The following SZT2 variants were observed in gnomAD, a reference collection of about 807,000 sequenced individuals.
The protein encoded by SZT2 is KICSTOR complex protein SZT2.
Under a neutral mutation model 404.2 loss-of-function variants are expected in SZT2, and 216 were observed. The ratio of observed to expected loss-of-function variants is 0.53; its 90% CI spans 0.48 to 0.60. The LOEUF (loss-of-function observed/expected upper bound fraction) is 0.60. Ranked by LOEUF, SZT2 falls within the 20% of genes least tolerant of loss-of-function variation. The pLI, the probability that SZT2 is intolerant of heterozygous loss-of-function variation, is 0.00. For missense variants in SZT2, 3,857 were observed against 4,459.2 expected (o/e 0.86, Z 3.85); for synonymous variants, 1,693 against 1,749.9 (o/e 0.97, Z 0.81).
At position 43,453,584 on chromosome 1, in the gene SZT2, C is replaced by A; in HGVS notation, c.*3104C>A. 1 of 1,520,984 alleles carries A rather than the reference C, an allele frequency of 6.6e-7. No individual in the cohort carries two copies. The highest frequency in any genetic ancestry group is 1.3e-5 in the South Asian group (1 of 79,932). 94.2% of individuals were successfully genotyped at this position (1,520,984 alleles called of 1,614,324 possible). ...CCCCAGCCCTCCCAGCCCTCCCGGC[C>A]CGCGACGCACCCGGGGGCGTGTTGA... On this transcript the variant is annotated 3_prime_UTR_variant, in exon 72 of 72. Transcript: ENST00000634258.
intron 4 of SZT2, chr1:43,412,132 A>G (rs1323553916): frequency 6.6e-6 from 1 of 152,186 alleles, no homozygotes; most frequent in East Asian, 1.9e-4. Flanking sequence ...CAGCCCCCAA[A>G]CAACCCTTAA....
In SZT2 at chr1:43,440,063, A is replaced by G. The variant is rs761116630; in HGVS notation, c.7210+15A>G. The G allele has an allele frequency of 6.2e-7, 1 of 1,613,694 alleles. No homozygotes were observed. Among genetic ancestry groups the G allele is most frequent in the Admixed American group, 1.7e-5 (1 of 59,996 alleles). On this transcript the variant is annotated intron_variant, in intron 51 of 71. Transcript: ENST00000634258. ...CACACCCACAGGTATGCAAGTCAAG[A>G]GGTCCCTGGGGTCCAGAGAATGTCA...
intron 26 of SZT2, 68 bp downstream of exon 26, chr1:43,427,802 A>T (rs1039775407): frequency 1.3e-6 from 2 of 1,550,228 alleles, no homozygotes; most frequent in Non-Finnish European, 8.8e-7. Flanking sequence ...ATAAGTACAC[A>T]CTAATAGGCG....
chr1:43,431,220 T>G, intron 33 of SZT2, 45 bp from the exon 34 acceptor site: 1 of 1,564,636 alleles, frequency 6.4e-7, no homozygotes, highest in Non-Finnish European at 8.7e-7. Flanking sequence ...GAGGCCCTGG[T>G]AGGATAGTAA....
chr1:43,408,081 C>T (rs561422088), intron 4 of SZT2, among the ~76,000 whole-genome samples: 1 of 152,236 alleles, frequency 6.6e-6, no homozygotes, highest in South Asian at 2.1e-4. Context: ...ATCTGCCCGC[C>T]TCGGCCTCCC....
Position 43,441,650 on chromosome 1 carries a change from A to G in SZT2, c.7610-36A>G, listed in dbSNP as rs200954464. 4,824 of 1,613,974 alleles carry G rather than the reference A, an allele frequency of 3.0e-3. 9 individuals carry two copies. Among genetic ancestry groups the G allele is most frequent in the Non-Finnish European group, 3.9e-3 (4,563 of 1,179,932 alleles). ...ATCCCTCAACCCCAGCCTGGTCTCC[A>G]TCCTGCAGCTCCACAGTGACTCCTC... On this transcript the variant is annotated intron_variant, in intron 54 of 71. Coordinates refer to ENST00000634258, the MANE Select transcript of SZT2 (RefSeq NM_001365999.1). The surrounding 1 kb of genome is among the most constrained non-coding windows in gnomAD (Gnocchi z 4.8).
At chr1:43,438,007 T>C (rs190851628) in intron 46 of SZT2, 105 bp downstream of exon 46, 456 of 1,202,494 alleles carry the variant, frequency 3.8e-4, no homozygotes, top group Non-Finnish European at 4.8e-4. Flanking sequence ...TATGTAACAG[T>C]CTCAGCCCAA....
chr1:43,414,945 G>T, intron 4 of SZT2, 137 bp from the exon 5 acceptor site: 1 of 1,072,390 alleles, frequency 9.3e-7, no homozygotes. Context: ...AATTGGCTGT[G>T]GAGTCATACC....
In SZT2 at chr1:43,423,267, C is replaced by T. The variant is rs890611597; in HGVS notation, c.2206C>T (p.Arg736Trp). ...VLGPQQALSD[R>W]PCLVVLHKPL... ...GGGGCCACAGCAGGCCCTGTCTGAC[C>T]GGCCCTGCCTTGTGGTCCTGCATAA... The change falls in exon 15 of 72, where the codon CGG becomes TGG. Residue 736 changes from arginine to tryptophan, a missense_variant. Coordinates refer to ENST00000634258, the MANE Select transcript of SZT2 (RefSeq NM_001365999.1). 9.5e-6 allele frequency: 15 copies of T among 1,573,734 alleles called. No homozygotes were observed. Among genetic ancestry groups the T allele is most frequent in the Middle Eastern group, 1.7e-4 (1 of 5,922 alleles).
At chr1:43,436,290 G>C (rs1654451972) in intron 42 of SZT2, 1 of 152,134 alleles carries the variant, frequency 6.6e-6, no homozygotes, top group South Asian at 2.1e-4. Flanking sequence ...CACATCCTGG[G>C]ATCTCCTCCA....
rs1159608837 is a variant in SZT2 at position 43,427,613 on chromosome 1, G to C, written c.3682G>C (p.Glu1228Gln). 6.2e-7 allele frequency: 1 copy of C among 1,614,114 alleles called. No homozygotes were observed. The highest frequency in any genetic ancestry group is 1.3e-5 in the African/African-American group (1 of 74,948). The change falls in exon 26 of 72, where the codon GAG becomes CAG. Residue 1228 changes from glutamate to glutamine, a missense_variant. Around this residue, in one of 7 missense-constraint regions of SZT2, gnomAD observed 1,725 missense variants for 1,881.0 expected, o/e 0.92. Transcript: ENST00000634258. ...CGCTGGGCGTCAGGCTTCCCAGACA[G>C]AGAGTGCGGATGGGCCCCGGACCCG... ...AYAGRQASQT[E>Q]SADGPRTRCP...
chr1:43,432,493 C>A, intron 37 of SZT2, 24 bp from the exon 38 acceptor site: 2 of 1,586,420 alleles, frequency 1.3e-6, no homozygotes, highest in Non-Finnish European at 8.6e-7. Context: ...GCCTATACCT[C>A]AGTCCTGACT....
chr1:43,404,280 C>T, intron 3 of SZT2, 100 bp from the exon 4 acceptor site: 1 of 1,009,792 alleles, frequency 9.9e-7, no homozygotes, highest in Admixed American at 2.3e-5. Flanking sequence ...TGCGATCATC[C>T]ATAAGTTAAG....
chr1:43,452,196 CT>C lies in SZT2; in HGVS notation c.*1719del, dbSNP rs776828656. 13 of 1,607,316 alleles carry C rather than the reference CT, an allele frequency of 8.1e-6. No homozygotes were observed. In the African/African-American group the frequency reaches 1.7e-4, roughly 22 times the overall value. ...CATGTAAGTACGTGTGTGTTTCCAC[CT>C]TTCTCACCTGAGCCAAAACCCCAGC... On this transcript the variant is annotated 3_prime_UTR_variant, in exon 72 of 72. Coordinates refer to ENST00000634258, the MANE Select transcript of SZT2 (RefSeq NM_001365999.1).
In SZT2 at chr1:43,442,167, G is replaced by A. The variant is rs769268985; in HGVS notation, c.7873+37G>A. ...GCCCGGGGGGGCGGGGGGCGGGTAG[G>A]CTAAGAGTAACTGGTGGGGTCTCCA... On this transcript the variant is annotated intron_variant, in intron 56 of 71. Transcript: ENST00000634258. This position sits in a 1 kb window ranked among gnomAD's most constrained non-coding sequence, Gnocchi z 4.5. 1.2e-6 allele frequency: 2 copies of A among 1,604,846 alleles called. No homozygotes were observed. The highest frequency in any genetic ancestry group is 8.5e-7 in the Non-Finnish European group (1 of 1,174,904).
chr1:43,426,512 T>C lies in SZT2; in HGVS notation c.3188T>C (p.Val1063Ala). ...PVDQAAFLSE[V>A]LRRTCHVPGA... is the part of the protein sequence containing the mutation. ...GACCAGGCTGCCTTCTTGAGTGAGGTGCTGCGGCGGACCTGCCACGTTCCA... is the reference window on the plus strand; with the variant it reads ...GACCAGGCTGCCTTCTTGAGTGAGGCGCTGCGGCGGACCTGCCACGTTCCA... Residue 1063 changes from valine to alanine, a missense_variant, in exon 22 of 72, where the codon GTG becomes GCG. By Grantham distance (64) the Val-to-Ala change is moderately conservative. Transcript: ENST00000634258. This position sits in a 1 kb window ranked among gnomAD's most constrained non-coding sequence, Gnocchi z 4.9. The C allele has an allele frequency of 6.3e-7, 1 of 1,591,556 alleles. No individual in the cohort carries two copies. The highest frequency in any genetic ancestry group is 1.1e-5 in the South Asian group (1 of 89,612).
At chr1:43,390,531 C>T (rs1428497876) in intron 1 of SZT2, among the ~76,000 whole-genome samples, 1 of 152,214 alleles carries the variant, frequency 6.6e-6, no homozygotes, top group Non-Finnish European at 1.5e-5. Context: ...TTCCCGGATC[C>T]TGTTTCCTTC....
Position 43,448,410 on chromosome 1 carries a change from C to T in SZT2, c.9895C>T (p.Leu3299=). 6.3e-7 allele frequency: 1 copy of T among 1,587,186 alleles called. No individual in the cohort carries two copies. The highest frequency in any genetic ancestry group is 8.6e-7 in the Non-Finnish European group (1 of 1,166,892). ...TGATCGACTGCGGCTAGGGGGGCGC[C>T]TGGCCCTGGCAGAGCTGGAGGAACT... ...GPDRLRLGGR[L]ALAELEELLE... The change falls in exon 69 of 72, where the codon CTG becomes TTG. Residue 3299 remains leucine (L), a synonymous_variant. Transcript: ENST00000634258. This position sits in a 1 kb window ranked among gnomAD's most constrained non-coding sequence, Gnocchi z 4.2.
At chr1:43,397,993 C>G (rs746831091) in intron 1 of SZT2, among the ~76,000 whole-genome samples, 24 of 152,162 alleles carry the variant, frequency 1.6e-4, no homozygotes, top group Admixed American at 4.6e-4. Context: ...GATGAGGTGA[C>G]CACGTGCCCA....
Sources: allele counts gnomAD v4.1 joint callset (sites outside exome capture counted in the v4.1 genomes callset), GRCh38; gene constraint gnomAD v4.1.1; regional missense constraint gnomAD v4.1.1; non-coding constraint Gnocchi (gnomAD v3.1); transcripts MANE v1.5; gene names NCBI Gene and HGNC (gene_info 2026-07-23, HGNC 2026-07-21).